ZNF606: variants seen among roughly 807,000 people sequenced by gnomAD.
The protein encoded by ZNF606 is zinc finger protein 328.
ZNF606 carries 37 observed loss-of-function variants against 74.9 expected under a neutral mutation model. That is an observed-to-expected ratio of 0.49 (90% CI 0.38 to 0.65). The LOEUF is 0.65. ZNF606 is among the 30% of genes least tolerant of loss of function. The pLI, the probability that ZNF606 is intolerant of heterozygous loss-of-function variation, is 0.00. For synonymous variants in ZNF606, 328 were observed against 312.4 expected, an observed-to-expected ratio of 1.05 and a Z score of -0.53; for missense variants, 852 against 952.9, an observed-to-expected ratio of 0.89 and a Z score of 1.39.
chr19:57,979,400 G>T lies in ZNF606; in HGVS notation c.1280C>A (p.Pro427His). 1.9e-6 allele frequency: 3 copies of T among 1,613,624 alleles called. No individual in the cohort carries two copies. Among genetic ancestry groups the T allele is most frequent in the Non-Finnish European group, 1.7e-6 (2 of 1,179,868 alleles). Reference protein sequence around the residue: ...QHKKTHTGEKPYECDKCGKVF... With the variant: ...QHKKTHTGEKHYECDKCGKVF... ...TTTTCCACATTTATCACATTCATAG[G>T]GTTTTTCTCCAGTATGAGTTTTCTT... The change falls in exon 7 of 7, where the codon CCC becomes CAC. Residue 427 changes from proline (P) to histidine (H), a missense_variant. Physicochemically the swap from Pro to His is moderately conservative, Grantham distance 77. Around this residue, in one of 3 missense-constraint regions of ZNF606, gnomAD observed 545 missense variants for 542.5 expected, o/e 1.00. Transcript: ENST00000551380.
chr19:57,999,819 C>A lies in ZNF606; in HGVS notation c.166G>T (p.Ala56Ser). The A allele has an allele frequency of 6.2e-7, 1 of 1,614,066 alleles. No individual in the cohort carries two copies. The highest frequency in any genetic ancestry group is 1.7e-5 in the Admixed American group (1 of 60,028). ...EGRRATGLPAAQVQEPVTFKD... is the reference protein window; with the variant it reads ...EGRRATGLPASQVQEPVTFKD... ...CAGCCCCATCTCACCTGAACCTGGG[C>A]TGCTGGGAGCCCAGTGGCCCTCCTC... Residue 56 changes from alanine (A) to serine (S), a missense_variant, in exon 4 of 7, where the codon GCC becomes TCC. This residue lies in a region of ZNF606 where 545 missense variants were observed against 542.5 expected (regional missense o/e 1.00). Transcript: ENST00000551380.
intron 1 of ZNF606, among the ~76,000 whole-genome samples, 160 bp from the exon 2 acceptor site, chr19:58,001,530 G>A (rs566109968): frequency 1.3e-5 from 2 of 152,336 alleles, no homozygotes; most frequent in South Asian, 4.1e-4. Context: ...AATTCCTGGA[G>A]AGAAATGAAA....
At position 57,979,038 on chromosome 19, in the gene ZNF606, C is replaced by A. The variant is rs1420851949; in HGVS notation, c.1642G>T (p.Ala548Ser). ...CTAAGGGCTGAGTAGTCCCTAAAAG[C>A]TTTTTCACATTCATCACATTTAAAG... ...KPFKCDECEKAFRDYSALSKH... is the reference protein window; with the variant it reads ...KPFKCDECEKSFRDYSALSKH... Residue 548 changes from alanine to serine, a missense_variant, in exon 7 of 7, where the codon GCT becomes TCT. Ala to Ser is a moderately conservative substitution (Grantham distance 99, BLOSUM62 1). Transcript: ENST00000551380. The A allele has an allele frequency of 6.2e-7, 1 of 1,613,904 alleles. No individual in the cohort carries two copies. Among genetic ancestry groups the A allele is most frequent in the Admixed American group, 1.7e-5 (1 of 59,994 alleles).
intron 4 of ZNF606, among the ~76,000 whole-genome samples, chr19:57,994,500 A>T (rs1222710608): frequency 6.6e-6 from 1 of 152,256 alleles, no homozygotes; most frequent in Non-Finnish European, 1.5e-5. Flanking sequence ...TATCTGACTG[A>T]TAAGACACCA....
At chr19:57,986,324 C>T (rs1001445945) in intron 6 of ZNF606, among the ~76,000 whole-genome samples, 2 of 152,060 alleles carry the variant, frequency 1.3e-5, no homozygotes, top group Non-Finnish European at 2.9e-5. Context: ...TGGTTGTGTG[C>T]ACCTATAGTC....
At chr19:58,002,292 G>A (rs909848682) in intron 1 of ZNF606, 104 bp downstream of exon 1, 5 of 456,614 alleles carry the variant, frequency 1.1e-5, no homozygotes, top group Admixed American at 7.0e-5. Context: ...TCCCATCAAT[G>A]GCCTCAGAAG....
chr19:57,995,960 C>T (rs2073335721), intron 4 of ZNF606, among the ~76,000 whole-genome samples: 1 of 152,166 alleles, frequency 6.6e-6, no homozygotes, highest in Non-Finnish European at 1.5e-5. Flanking sequence ...AGAAAAACAA[C>T]AAATACGACA....
chr19:58,000,085 C>T (rs1468933249), intron 3 of ZNF606, 189 bp from the exon 4 acceptor site: 17 of 515,420 alleles, frequency 3.3e-5, no homozygotes, highest in East Asian at 2.1e-4. Context: ...ATGAATCTCT[C>T]ATTGGCCCCC....
chr19:57,984,800 T>C (rs2073140363), intron 6 of ZNF606, among the ~76,000 whole-genome samples: 1 of 152,096 alleles, frequency 6.6e-6, no homozygotes, highest in African/African-American at 2.4e-5. Flanking sequence ...TTCTGTAAAT[T>C]AACCAAAGCC....
intron 4 of ZNF606, among the ~76,000 whole-genome samples, chr19:57,995,487 G>T (rs1387217320): frequency 6.6e-6 from 1 of 151,910 alleles, no homozygotes; most frequent in Non-Finnish European, 1.5e-5. Context: ...GTTGAAAAAA[G>T]AAAACTATAG....
upstream of ZNF606, chr19:58,003,339 G>C (rs746390650): frequency 2.0e-5 from 9 of 456,210 alleles, no homozygotes; most frequent in Non-Finnish European, 3.5e-5. Context: ...CGCACCCTGT[G>C]AGTTTTCCTC....
intron 6 of ZNF606, among the ~76,000 whole-genome samples, chr19:57,985,933 C>CAATA (rs999965275): frequency 6.7e-6 from 1 of 149,260 alleles, no homozygotes; most frequent in Non-Finnish European, 1.5e-5. Flanking sequence ...GAGTCTGTCT[C>CAATA]AATAAATAAA....
At chr19:57,993,106 G>T (rs1238478957) in intron 4 of ZNF606, among the ~76,000 whole-genome samples, 1 of 152,102 alleles carries the variant, frequency 6.6e-6, no homozygotes, top group East Asian at 1.9e-4. Flanking sequence ...TTTGCAGATG[G>T]AGGACAGGGC....
chr19:57,978,331 C>T lies in ZNF606; in HGVS notation c.2349G>A (p.Gln783=), dbSNP rs1209345077. The T allele has an allele frequency of 6.3e-7, 1 of 1,575,350 alleles. No individual in the cohort carries two copies. The highest frequency in any genetic ancestry group is 8.6e-7 in the Non-Finnish European group (1 of 1,159,810). ...TCAGTTTCTCTTCACTGTGATTTCT[C>T]TGGTGTTGAAGTAGGGCTGAGTGAC... ...FSGHSALLQH[Q]RNHSEEKLN The change falls in exon 7 of 7, where the codon CAG becomes CAA. Residue 783 remains glutamine (Q), a synonymous_variant. Transcript: ENST00000551380. The surrounding 1 kb of genome is among the most constrained non-coding windows in gnomAD (Gnocchi z 4.4).
At position 57,979,128 on chromosome 19, in the gene ZNF606, C is replaced by T; in HGVS notation, c.1552G>A (p.Gly518Arg). 6.2e-7 allele frequency: 1 copy of T among 1,614,066 alleles called. No individual in the cohort carries two copies. Among genetic ancestry groups the T allele is most frequent in the Non-Finnish European group, 8.5e-7 (1 of 1,180,010 alleles). Residue 518 changes from glycine (G) to arginine (R), a missense_variant, in exon 7 of 7, where the codon GGG becomes AGG. By Grantham distance (125) the Gly-to-Arg change is moderately radical. This residue lies in a region of ZNF606 where 243 missense variants were observed against 359.2 expected (regional missense o/e 0.68). Transcript: ENST00000551380. ...TGGGAGCTCCAGCTGAATGATTTCC[C>T]ACATTCAGTACATTCAAAAGGTTTC... is the stretch of plus-strand genomic sequence containing the variant. ...GEKPFECTECGKSFSWSSHLI... is the reference protein window; with the variant it reads ...GEKPFECTECRKSFSWSSHLI...
In ZNF606 at chr19:57,979,441, A is replaced by C. The variant is rs1361197583; in HGVS notation, c.1239T>G (p.Ser413=). Reference sequence around the variant, plus strand: ...GAGTTTTCTTATGTTGAATAAGGTAAGAGCTCCAGATGAAAGACGTCCCAC... The same window carrying C: ...GAGTTTTCTTATGTTGAATAAGGTACGAGCTCCAGATGAAAGACGTCCCAC... ...NECGTSFIWS[S]YLIQHKKTHT... Residue 413 remains serine, a synonymous_variant, in exon 7 of 7, where the codon TCT becomes TCG. Coordinates refer to ENST00000551380, the MANE Select transcript of ZNF606 (RefSeq NM_001348022.3). The C allele has an allele frequency of 6.2e-7, 1 of 1,614,116 alleles. No homozygotes were observed. The highest frequency in any genetic ancestry group is 2.2e-5 in the East Asian group (1 of 44,870).
intron 4 of ZNF606, among the ~76,000 whole-genome samples, chr19:57,990,879 C>A (rs1185801733): frequency 1.3e-5 from 2 of 151,184 alleles, no homozygotes; most frequent in African/African-American, 4.8e-5. Flanking sequence ...AAAGTCAACT[C>A]CTGCTCAAGA....
rs375586898 is a variant in ZNF606, at chr19:58,002,636, G to T, written c.-292C>A. On this transcript the variant is annotated 5_prime_UTR_variant, in exon 1 of 7. Coordinates refer to ENST00000551380, the MANE Select transcript of ZNF606 (RefSeq NM_001348022.3). ...GAGGCCGGAGGCAGGCTGCTGGCTG[G>T]AGAACCGACGGCAACGACGGCGCAA... is the stretch of plus-strand genomic sequence containing the variant. 4 of 453,154 alleles carry T rather than the reference G, an allele frequency of 8.8e-6. No homozygotes were observed. Among genetic ancestry groups the T allele is most frequent in the African/African-American group, 2.0e-5 (1 of 49,786 alleles). The allele number at this position is 453,154 out of a possible 1,614,324, so 28.1% of individuals were successfully genotyped here.
intron 4 of ZNF606, among the ~76,000 whole-genome samples, chr19:57,991,780 A>AAAATAAATAAATAAAT (rs80231379): frequency 4.4e-3 from 650 of 148,694 alleles, no homozygotes; most frequent in Non-Finnish European, 6.8e-3. Context: ...ACTCTGTCTC[A>AAAATAAATAAATAAAT]AAATAAATAA....
Sources: gnomAD v4.1 joint callset for allele counts (sites outside exome capture counted in the v4.1 genomes callset) on GRCh38, gnomAD v4.1.1 for gene constraint, gnomAD v4.1.1 regional missense constraint, Gnocchi (gnomAD v3.1) non-coding constraint, MANE v1.5 for transcripts, NCBI Gene and HGNC (gene_info 2026-07-23, HGNC 2026-07-21) for gene names.